AIFM2: variants seen among roughly 807,000 people sequenced by gnomAD.
AIFM2 encodes the protein ferroptosis suppressor protein 1.
AIFM2 carries 38 observed loss-of-function variants against 35.7 expected under a neutral mutation model. The ratio of observed to expected loss-of-function variants is 1.06; its 90% CI spans 0.82 to 1.39. The LOEUF is 1.39. Among genes scored for constraint, AIFM2 ranks in the 40% most tolerant of loss-of-function variants. The pLI is 0.00. For synonymous variants in AIFM2, 185 were observed against 203.5 expected (o/e 0.91, Z 0.77); for missense variants, 476 against 491.2 (o/e 0.97, Z 0.29).
At chr10:70,121,319 AC>A in intron 3 of AIFM2, 108 bp from the exon 4 acceptor site, 1 of 1,404,138 alleles carries the variant, frequency 7.1e-7, no homozygotes, top group South Asian at 1.7e-5. Flanking sequence ...GCCAGCCGGG[AC>A]AAACCAGGCA....
At chr10:70,129,275 A>G (rs907264441) in intron 1 of AIFM2, among the ~76,000 whole-genome samples, 12 of 151,994 alleles carry the variant, frequency 7.9e-5, no homozygotes, top group Non-Finnish European at 4.4e-5. Context: ...AGCTGTAGAA[A>G]AGATTCAATG....
Position 70,123,954 on chromosome 10 carries a change from T to A in AIFM2, c.131A>T (p.Asp44Val), listed in dbSNP as rs1589850425. Residue 44 changes from aspartate to valine, a missense_variant, in exon 2 of 9, where the codon GAC becomes GTC. Coordinates refer to ENST00000307864, the MANE Select transcript of AIFM2 (RefSeq NM_032797.6). ...AGCAGCCACATTGTGGTGGAAGGAG[T>A]CCTTCATGTCCACCAGCATGAAGGG... ...NVPFMLVDMKDSFHHNVAALR... is the reference protein window; with the variant it reads ...NVPFMLVDMKVSFHHNVAALR... The A allele has an allele frequency of 6.2e-7, 1 of 1,606,578 alleles. No individual in the cohort carries two copies. Among genetic ancestry groups the A allele is most frequent in the African/African-American group, 1.4e-5 (1 of 74,024 alleles).
At position 70,114,246 on chromosome 10, in the gene AIFM2, G is replaced by T. The variant is rs376606751; in HGVS notation, c.1054C>A (p.Arg352=). ...SGFYVGRLMV[R]LTKSRDLFVS... Reference sequence around the variant, plus strand: ...AACAGGTCCCGGCTCTTGGTCAGCCGAACCATGAGCCGGCCCACATAGAAG... The same window carrying T: ...AACAGGTCCCGGCTCTTGGTCAGCCTAACCATGAGCCGGCCCACATAGAAG... Residue 352 remains arginine (R), a synonymous_variant, in exon 9 of 9, where the codon CGG becomes AGG. Coordinates refer to ENST00000307864, the MANE Select transcript of AIFM2 (RefSeq NM_032797.6). 8.1e-6 allele frequency: 13 copies of T among 1,613,656 alleles called. No homozygotes were observed. The highest frequency in any genetic ancestry group is 1.1e-5 in the Non-Finnish European group (13 of 1,179,976).
intron 7 of AIFM2, 24 bp downstream of exon 7, chr10:70,116,598 A>T (rs1156404391): frequency 1.2e-6 from 2 of 1,612,118 alleles, no homozygotes; most frequent in Non-Finnish European, 1.7e-6. Flanking sequence ...GGCACAGGGG[A>T]AGCCCGGCTG....
intron 3 of AIFM2, among the ~76,000 whole-genome samples, chr10:70,121,455 T>TGGAGAATGTGGG (rs1249173158): frequency 1.3e-5 from 2 of 151,846 alleles, no homozygotes; most frequent in Non-Finnish European, 2.9e-5. Context: ...TACCTCCGCG[T>TGGAGAATGTGGG]GGAGAATGTG....
Position 70,120,684 on chromosome 10 carries a change from C to T in AIFM2, c.415-85G>A. 4.1e-6 allele frequency: 6 copies of T among 1,471,224 alleles called. No individual in the cohort carries two copies. The East Asian group carries it at 9.1e-5, about 22-fold the overall frequency. 91.1% of individuals were successfully genotyped at this position (1,471,224 alleles called of 1,614,324 possible). A position where few individuals can be genotyped will look rare whatever the true frequency, so the allele number is the denominator to read the frequency against. On this transcript the variant is annotated intron_variant, in intron 4 of 8. Transcript: ENST00000307864. ...TCTGCTGGTTCAGCCTGTGGTGTGG[C>T]TCCCTGGGCCAAAGGAGGGCAGAGA...
At chr10:70,130,135 A>C (rs2072612815) in intron 1 of AIFM2, among the ~76,000 whole-genome samples, 1 of 152,202 alleles carries the variant, frequency 6.6e-6, no homozygotes, top group South Asian at 2.1e-4. Flanking sequence ...GTGAGGCATG[A>C]TCATGCCACT....
chr10:70,119,328 G>T (rs1486074165), intron 5 of AIFM2, among the ~76,000 whole-genome samples: 1 of 152,206 alleles, frequency 6.6e-6, no homozygotes, highest in Non-Finnish European at 1.5e-5. Context: ...TCTCTATCTT[G>T]TAGCCAAGTG....
intron 1 of AIFM2, among the ~76,000 whole-genome samples, chr10:70,125,556 T>C (rs145910678): frequency 0.015 from 2,271 of 148,732 alleles, 55 homozygotes; most frequent in African/African-American, 0.053. Context: ...AGGTCAAGGC[T>C]GCAGTGAGCC....
chr10:70,123,875 CA>C, intron 2 of AIFM2, 31 bp downstream of exon 2: 1 of 1,501,430 alleles, frequency 6.7e-7, no homozygotes, highest in South Asian at 1.4e-5. Flanking sequence ...AGACCCCCCT[CA>C]CAGAGACAGC....
Position 70,117,957 on chromosome 10 carries a change from C to A in AIFM2, c.508-37G>T. ...ACGACCACAGGGCCTGAGAAGGAGC[C>A]CCCAAGTCTTCAAACACAATCATTG... On this transcript the variant is annotated intron_variant, in intron 5 of 8. Transcript: ENST00000307864. The surrounding 1 kb of genome is among the most constrained non-coding windows in gnomAD (Gnocchi z 4.7). 6.7e-7 allele frequency: 1 copy of A among 1,483,912 alleles called. No homozygotes were observed. Among genetic ancestry groups the A allele is most frequent in the South Asian group, 1.2e-5 (1 of 86,474 alleles). 91.9% of individuals were successfully genotyped at this position (1,483,912 alleles called of 1,614,324 possible).
chr10:70,116,565 C>G, intron 7 of AIFM2, 57 bp downstream of exon 7: 1 of 1,603,466 alleles, frequency 6.2e-7, no homozygotes, highest in South Asian at 1.1e-5. Context: ...GCAGGGCATT[C>G]AGAGGGTACT....
Position 70,116,604 on chromosome 10 carries a change from G to C in AIFM2, c.769+18C>G, listed in dbSNP as rs370107489. Reference sequence around the variant, plus strand: ...GAGCAAGGAGGCACAGGGGAAGCCCGGCTGGGCACCTGCTCACCAAACGCT... The same window carrying C: ...GAGCAAGGAGGCACAGGGGAAGCCCCGCTGGGCACCTGCTCACCAAACGCT... On this transcript the variant is annotated intron_variant, in intron 7 of 8. Transcript: ENST00000307864. 16 of 1,612,424 alleles carry C rather than the reference G, an allele frequency of 9.9e-6. No homozygotes were observed. The highest frequency in any genetic ancestry group is 1.3e-5 in the Non-Finnish European group (15 of 1,179,722).
intron 8 of AIFM2, 137 bp downstream of exon 8, chr10:70,114,783 A>G: frequency 8.8e-7 from 1 of 1,131,974 alleles, no homozygotes; most frequent in Non-Finnish European, 1.2e-6. Context: ...CTATTTTTAA[A>G]GAGCTCTAAG....
chr10:70,123,934 C>A lies in AIFM2; in HGVS notation c.151G>T (p.Ala51Ser), dbSNP rs752703957. The A allele has an allele frequency of 8.1e-6, 13 of 1,600,672 alleles. No homozygotes were observed. Among genetic ancestry groups the A allele is most frequent in the East Asian group, 2.3e-5 (1 of 44,392 alleles). ...DMKDSFHHNV[A>S]ALRASVETGF... is the part of the protein sequence containing the mutation. ...GTCTCCACGGAGGCTCGGAGAGCAG[C>A]CACATTGTGGTGGAAGGAGTCCTTC... The change falls in exon 2 of 9, where the codon GCT becomes TCT. Residue 51 changes from alanine to serine, a missense_variant. Ala to Ser is a moderately conservative substitution (Grantham distance 99, BLOSUM62 1). Coordinates refer to ENST00000307864, the MANE Select transcript of AIFM2 (RefSeq NM_032797.6).
intron 6 of AIFM2, 138 bp from the exon 7 acceptor site, chr10:70,116,912 C>CATGCCCCTCCCTCAGTCCACTCT: frequency 2.0e-6 from 2 of 1,001,222 alleles, no homozygotes; most frequent in Non-Finnish European, 3.0e-6. Flanking sequence ...GTCTTCCCAC[C>CATGCCCCTCCCTCAGTCCACTCT]ATGCCCCTCC....
Position 70,115,080 on chromosome 10 carries a change from C to T in AIFM2, c.810G>A (p.Glu270=), listed in dbSNP as rs2072421012. The change falls in exon 8 of 9, where the codon GAG becomes GAA. Residue 270 remains glutamate, a synonymous_variant. Coordinates refer to ENST00000307864, the MANE Select transcript of AIFM2 (RefSeq NM_032797.6). Reference sequence around the variant, plus strand: ...TGCTGTGGCCCTCCACCTGGAGGTGCTCGTTCACTCTCAGAGCACCACTGC... The same window carrying T: ...TGCTGTGGCCCTCCACCTGGAGGTGTTCGTTCACTCTCAGAGCACCACTGC... ...LASSGALRVN[E]HLQVEGHSNV... The T allele has an allele frequency of 3.1e-6, 5 of 1,614,004 alleles. No individual in the cohort carries two copies. In the African/African-American group the frequency reaches 4.0e-5, roughly 13 times the overall value.
At position 70,114,399 on chromosome 10, in the gene AIFM2, G is replaced by C. The variant is rs73273527; in HGVS notation, c.971-70C>G. 644 of 1,588,472 alleles carry C rather than the reference G, an allele frequency of 4.1e-4. 3 individuals are homozygous for C. In the African/African-American group the frequency reaches 7.8e-3, roughly 19 times the overall value. ...CTGGGGCTGCACCTCCCAGAGTGCC[G>C]ATCCTTCCCGAGGCCTTCAGACTCA... On this transcript the variant is annotated intron_variant, in intron 8 of 8. Coordinates refer to ENST00000307864, the MANE Select transcript of AIFM2 (RefSeq NM_032797.6).
intron 3 of AIFM2, 57 bp from the exon 4 acceptor site, chr10:70,121,268 G>A: frequency 6.8e-7 from 1 of 1,467,882 alleles, no homozygotes; most frequent in Non-Finnish European, 8.9e-7. Context: ...GGGTAGGGCA[G>A]GGCAGGGCAG....
Sources: gnomAD v4.1 joint callset for allele counts (sites outside exome capture counted in the v4.1 genomes callset) on GRCh38, gnomAD v4.1.1 for gene constraint, Gnocchi (gnomAD v3.1) non-coding constraint, MANE v1.5 for transcripts, NCBI Gene and HGNC (gene_info 2026-07-23, HGNC 2026-07-21) for gene names.